Variants in MORC1 observed in about 807,000 individuals in gnomAD.
The protein encoded by MORC1 is MORC family CW-type zinc finger protein 1.
In MORC1, 59 loss-of-function variants were observed where a neutral mutation model predicts 134.9. The observed-to-expected ratio is 0.44, with a 90% confidence interval of 0.35 to 0.54. The LOEUF is 0.54. Ranked by LOEUF, MORC1 falls within the 20% of genes least tolerant of loss-of-function variation. The pLI is 0.00. For synonymous variants in MORC1, 395 were observed against 391.7 expected (o/e 1.01, Z -0.10); for missense variants, 947 against 1,134.5 (o/e 0.83, Z 2.37).
At chr3:109,039,126 G>C (rs2107627298) in intron 14 of MORC1, among the ~76,000 whole-genome samples, 1 of 152,242 alleles carries the variant, frequency 6.6e-6, no homozygotes, top group Non-Finnish European at 1.5e-5. Flanking sequence ...ATGTTGGCCA[G>C]GTTGGTCTTG....
chr3:108,972,171 G>A (rs1156578635), intron 24 of MORC1, among the ~76,000 whole-genome samples: 1 of 152,182 alleles, frequency 6.6e-6, no homozygotes, highest in African/African-American at 2.4e-5. Flanking sequence ...AAGGACAATA[G>A]CACCCATCCT....
At chr3:109,068,179 A>G (rs913340133) in intron 9 of MORC1, among the ~76,000 whole-genome samples, 4 of 152,214 alleles carry the variant, frequency 2.6e-5, no homozygotes, top group African/African-American at 9.6e-5. Context: ...AATAGATATC[A>G]AGGTCCTCAA....
At chr3:109,041,155 CAAAA>C (rs920537779) in intron 14 of MORC1, among the ~76,000 whole-genome samples, 1 of 149,984 alleles carries the variant, frequency 6.7e-6, no homozygotes, top group Non-Finnish European at 1.5e-5. Flanking sequence ...ACTAAAAATA[CAAAA>C]AAATAGCCAG....
chr3:109,056,212 A>G (rs1367527012), intron 13 of MORC1, among the ~76,000 whole-genome samples: 1 of 152,074 alleles, frequency 6.6e-6, no homozygotes, highest in African/African-American at 2.4e-5. Flanking sequence ...AAGAAATCCA[A>G]CTAATCTAGG....
intron 8 of MORC1, among the ~76,000 whole-genome samples, chr3:109,081,451 AACTTTTTTTTT>A (rs1245887238): frequency 7.9e-6 from 1 of 126,640 alleles, no homozygotes; most frequent in East Asian, 2.5e-4. Context: ...ACAAGAATTA[AACTTTTTTTTT>A]TTTTTTTTTT....
intron 9 of MORC1, among the ~76,000 whole-genome samples, chr3:109,065,602 T>C (rs1458653472): frequency 2.6e-5 from 4 of 152,214 alleles, no homozygotes; most frequent in Non-Finnish European, 5.9e-5. Context: ...CTTTCTTCTC[T>C]TGAATTGCTC....
In MORC1 at chr3:109,103,846, T is replaced by C. The variant is rs370544840; in HGVS notation, c.223+3A>G. The C allele has an allele frequency of 6.2e-7, 1 of 1,612,690 alleles. No individual in the cohort carries two copies. Among genetic ancestry groups the C allele is most frequent in the Non-Finnish European group, 8.5e-7 (1 of 1,178,706 alleles). On this transcript the variant is annotated splice_donor_region_variant and intron_variant, in intron 4 of 27. Coordinates refer to ENST00000232603, the MANE Select transcript of MORC1 (RefSeq NM_014429.4). Reference sequence around the variant, plus strand: ...CAGTTAGGTATCTAGATAATTAACTTACCAGGGCTCATGCCACATCCATCA... The same window carrying C: ...CAGTTAGGTATCTAGATAATTAACTCACCAGGGCTCATGCCACATCCATCA...
At chr3:108,973,741 C>T (rs542496209) in intron 24 of MORC1, among the ~76,000 whole-genome samples, 1 of 151,402 alleles carries the variant, frequency 6.6e-6, no homozygotes, top group Non-Finnish European at 1.5e-5. Flanking sequence ...GGATTACAGG[C>T]GCACGCCACC....
In MORC1 at chr3:109,090,222, G is replaced by A. The variant is rs1022333454; in HGVS notation, c.689+3214C>T. ...TCACTTCTACTGAAATTCTCTTGAC[G>A]TGATTGTCATCTTGAAAGAAAACCC... On this transcript the variant is annotated intron_variant, in intron 8 of 27. Coordinates refer to ENST00000232603, the MANE Select transcript of MORC1 (RefSeq NM_014429.4). 1.2e-4 allele frequency among the ~76,000 whole-genome samples: 18 copies of A among 151,938 alleles called. No individual in the cohort carries two copies. The South Asian group carries it at 2.3e-3, about 19-fold the overall frequency.
chr3:108,993,374 C>A (rs1948118432), intron 21 of MORC1, among the ~76,000 whole-genome samples: 1 of 152,122 alleles, frequency 6.6e-6, no homozygotes, highest in Non-Finnish European at 1.5e-5. Flanking sequence ...AGATCAGGGA[C>A]TATATCACAC....
Position 109,118,063 on chromosome 3 carries a change from C to A in MORC1, c.-4G>T, listed in dbSNP as rs752164924. 5 of 1,607,476 alleles carry A rather than the reference C, an allele frequency of 3.1e-6. No homozygotes were observed. The highest frequency in any genetic ancestry group is 4.2e-6 in the Non-Finnish European group (5 of 1,177,258). On this transcript the variant is annotated 5_prime_UTR_variant, in exon 1 of 28. In the 5' UTR this introduces an upstream ATG that the reference lacks. Coordinates refer to ENST00000232603, the MANE Select transcript of MORC1 (RefSeq NM_014429.4). ...GCGCAGGGTACCTGTCGTCCATGCC[C>A]TCGAACACGACCCGCGCAACTCAAG...
intron 24 of MORC1, among the ~76,000 whole-genome samples, chr3:108,973,596 T>TTTTTTTTTTTTTTTTTTTTG: frequency 7.4e-5 from 1 of 13,540 alleles, no homozygotes; most frequent in Non-Finnish European, 3.0e-4. Flanking sequence ...TTTGTTTTGG[T>TTTTTTTTTTTTTTTTTTTTG]TTTTTTTTTT....
At chr3:108,981,653 G>C (rs925691591) in intron 23 of MORC1, among the ~76,000 whole-genome samples, 1 of 152,180 alleles carries the variant, frequency 6.6e-6, no homozygotes, top group Non-Finnish European at 1.5e-5. Flanking sequence ...CTACCTTATA[G>C]AGTTGTACTG....
intron 9 of MORC1, among the ~76,000 whole-genome samples, chr3:109,066,129 AC>A (rs970031863): frequency 6.6e-6 from 1 of 151,928 alleles, no homozygotes; most frequent in Non-Finnish European, 1.5e-5. Flanking sequence ...CACACAATAT[AC>A]CCATGTAAAA....
chr3:109,103,855 T>C lies in MORC1; in HGVS notation c.217A>G (p.Ser73Gly). Residue 73 changes from serine to glycine, a missense_variant, in exon 4 of 28, where the codon AGC (serine) becomes GGC (glycine). Coordinates refer to ENST00000232603, the MANE Select transcript of MORC1 (RefSeq NM_014429.4). ...ATCTAGATAATTAACTTACCAGGGC[T>C]CATGCCACATCCATCATCCAGGAAA... is the stretch of plus-strand genomic sequence containing the variant. ...LCFLDDGCGM[S>G]PEEASDIIYF... 16 of 1,613,590 alleles carry C rather than the reference T, an allele frequency of 9.9e-6. No homozygotes were observed. Among genetic ancestry groups the C allele is most frequent in the African/African-American group, 1.3e-5 (1 of 75,042 alleles).
chr3:109,101,981 G>A (rs1178079799), intron 4 of MORC1, among the ~76,000 whole-genome samples: 2 of 152,180 alleles, frequency 1.3e-5, no homozygotes, highest in Non-Finnish European at 1.5e-5. Flanking sequence ...CTGAGCATGG[G>A]AATAAACCAC....
In MORC1 at chr3:109,040,353, T is replaced by TGAAAGAAAGAAA. The variant is rs35886667; in HGVS notation, c.1331-4897_1331-4886dup. On this transcript the variant is annotated intron_variant, in intron 14 of 27. Transcript: ENST00000232603. ...ACTGTCTCAAAGACACTCAAAGAAC[T>TGAAAGAAAGAAA]GAAAGAAAGAAAGAAAGAAAGAAAG... Among the ~76,000 whole-genome samples, 214 of 28,180 alleles carry TGAAAGAAAGAAA rather than the reference T, an allele frequency of 7.6e-3. 14 individuals are homozygous for TGAAAGAAAGAAA. The highest frequency in any genetic ancestry group is 0.024 in the East Asian group (7 of 290). 18.5% of individuals were successfully genotyped at this position (28,180 alleles called of 152,430 possible). A position where few individuals can be genotyped will look rare whatever the true frequency, so the allele number is the denominator to read the frequency against.
rs759896515 is a variant in MORC1 at position 108,979,639 on chromosome 3, T to G, written c.2353A>C (p.Asn785His). Reference protein sequence around the residue: ...SLLNVPMEDVNLSSGHIARVS... With the variant: ...SLLNVPMEDVHLSSGHIARVS... ...CTGGCTATGTGTCCAGAACTTAGAT[T>G]CACATCTTCCATCGGCACATTGAGC... Residue 785 changes from asparagine to histidine, a missense_variant, in exon 24 of 28, where the codon AAT becomes CAT. Transcript: ENST00000232603. 17 of 1,613,996 alleles carry G rather than the reference T, an allele frequency of 1.1e-5. No homozygotes were observed. Among genetic ancestry groups the G allele is most frequent in the Non-Finnish European group, 1.4e-5 (17 of 1,179,994 alleles).
At chr3:109,014,764 CTCTT>C (rs1400778726) in intron 17 of MORC1, among the ~76,000 whole-genome samples, 1 of 152,148 alleles carries the variant, frequency 6.6e-6, no homozygotes, top group Middle Eastern at 3.2e-3. Context: ...ATAAATTACA[CTCTT>C]TCATTTTAAC....
Sources: gnomAD v4.1 joint callset for allele counts (sites outside exome capture counted in the v4.1 genomes callset) on GRCh38, gnomAD v4.1.1 for gene constraint, MANE v1.5 for transcripts, NCBI Gene and HGNC (gene_info 2026-07-23, HGNC 2026-07-21) for gene names.